Variants in PM20D1 observed in about 807,000 individuals in gnomAD.
PM20D1 encodes the protein N-fatty-acyl-amino acid synthase/hydrolase PM20D1.
Under a neutral mutation model 53.8 loss-of-function variants are expected in PM20D1, and 53 were observed. The observed-to-expected ratio is 0.98, with a 90% CI of 0.79 to 1.24. PM20D1 has a LOEUF of 1.24. Among genes scored for constraint, PM20D1 ranks in the 50% most tolerant of loss-of-function variants. PM20D1 has a pLI of 0.00. For synonymous variants in PM20D1, 239 were observed against 241.3 expected (o/e 0.99, Z 0.09); for missense variants, 564 against 616.8 (o/e 0.91, Z 0.91).
intron 6 of PM20D1, 131 bp from the exon 7 acceptor site, chr1:205,842,882 C>T: frequency 1.4e-6 from 1 of 698,164 alleles, no homozygotes; most frequent in Non-Finnish European, 2.5e-6. Context: ...CACCTCCCTC[C>T]CACCTCCACC....
chr1:205,833,287 G>C (rs1005284885), intron 10 of PM20D1, among the ~76,000 whole-genome samples: 2 of 152,258 alleles, frequency 1.3e-5, no homozygotes, highest in African/African-American at 4.8e-5. Flanking sequence ...CCCCTTGGGT[G>C]GTGAGCCACA....
intron 12 of PM20D1, among the ~76,000 whole-genome samples, chr1:205,829,123 T>C (rs1023900583): frequency 1.3e-4 from 20 of 152,332 alleles, no homozygotes; most frequent in Admixed American, 1.0e-3. Flanking sequence ...CTCAACCTTC[T>C]GGGTTTCAGT....
At chr1:205,844,268 T>G in intron 4 of PM20D1, 51 bp from the exon 5 acceptor site, 1 of 1,528,880 alleles carries the variant, frequency 6.5e-7, no homozygotes, top group South Asian at 1.3e-5. Context: ...GAGACAGACC[T>G]CCAGACATAG....
At chr1:205,843,359 C>T (rs191595242) in intron 6 of PM20D1, among the ~76,000 whole-genome samples, 16 of 152,340 alleles carry the variant, frequency 1.1e-4, no homozygotes, top group Admixed American at 9.8e-4. Flanking sequence ...ACTGGTGGCT[C>T]TGTCTCTCCT....
intron 12 of PM20D1, 81 bp downstream of exon 12, chr1:205,830,199 T>G: frequency 9.2e-7 from 1 of 1,085,340 alleles, no homozygotes; most frequent in East Asian, 2.4e-5. Context: ...TTCTGTGGAC[T>G]GCCAGGAGCA....
intron 1 of PM20D1, among the ~76,000 whole-genome samples, chr1:205,848,427 T>C (rs966000787): frequency 6.6e-6 from 1 of 152,216 alleles, no homozygotes; most frequent in African/African-American, 2.4e-5. Context: ...TGTGTTTTTG[T>C]ATGTAAAGGC....
intron 2 of PM20D1, among the ~76,000 whole-genome samples, chr1:205,847,033 T>C (rs868199884): frequency 6.5e-5 from 9 of 138,054 alleles, no homozygotes; most frequent in African/African-American, 1.7e-4. Context: ...TTTTTTTTTT[T>C]CAGAGACAAG....
In PM20D1 at chr1:205,828,068, T is replaced by G. The variant is rs551794301; in HGVS notation, c.*552A>C. On this transcript the variant is annotated 3_prime_UTR_variant, in exon 13 of 13. Coordinates refer to ENST00000367136, the MANE Select transcript of PM20D1 (RefSeq NM_152491.5). Reference sequence around the variant, plus strand: ...ATTTGACTGATTATGGTGACAATTATGGTAGTATCACAGTTTGGGTAAGTC... The same window carrying G: ...ATTTGACTGATTATGGTGACAATTAGGGTAGTATCACAGTTTGGGTAAGTC... 1 of 152,928 alleles carries G rather than the reference T, an allele frequency of 6.5e-6. No homozygotes were observed. Among genetic ancestry groups the G allele is most frequent in the Admixed American group, 6.5e-5 (1 of 15,362 alleles). 9.5% of individuals were successfully genotyped at this position (152,928 alleles called of 1,614,324 possible).
chr1:205,848,343 A>G (rs543094815), intron 1 of PM20D1, among the ~76,000 whole-genome samples: 1 of 152,316 alleles, frequency 6.6e-6, no homozygotes, highest in African/African-American at 2.4e-5. Context: ...GAAATCACCA[A>G]TTGCTTTGAT....
intron 1 of PM20D1, among the ~76,000 whole-genome samples, chr1:205,849,271 C>T (rs999376086): frequency 3.9e-5 from 6 of 152,130 alleles, no homozygotes; most frequent in African/African-American, 1.4e-4. Context: ...AGATTCAGAA[C>T]AGGGATGAAT....
chr1:205,830,657 G>A (rs145752775), intron 11 of PM20D1, among the ~76,000 whole-genome samples: 1 of 151,682 alleles, frequency 6.6e-6, no homozygotes, highest in African/African-American at 2.4e-5. Context: ...ATGACGACCA[G>A]GGAGGCCAAT....
In PM20D1 at chr1:205,830,006, C is replaced by T. The variant is rs1571665170; in HGVS notation, c.1385+274G>A. The T allele has an allele frequency of 8.7e-6, 3 of 344,816 alleles. No individual in the cohort carries two copies. The East Asian group carries it at 1.6e-4, about 19-fold the overall frequency. The allele number at this position is 344,816 out of a possible 1,614,324, so 21.4% of individuals were successfully genotyped here. A position where few individuals can be genotyped will look rare whatever the true frequency, so the allele number is the denominator to read the frequency against. ...AAGAGAGGAAGAGCTGGGATTAGCACCCAAGGGTACCGATTCCACCAGGTT... is the reference window on the plus strand; with the variant it reads ...AAGAGAGGAAGAGCTGGGATTAGCATCCAAGGGTACCGATTCCACCAGGTT... On this transcript the variant is annotated intron_variant, in intron 12 of 12. Transcript: ENST00000367136.
intron 10 of PM20D1, among the ~76,000 whole-genome samples, chr1:205,834,856 AGGCAGGGACTGTGTCTGACTCAAG>A (rs573137557): frequency 1.1e-3 from 175 of 152,338 alleles, no homozygotes; most frequent in African/African-American, 4.0e-3. Flanking sequence ...CTGCTGGGCC[AGGCAGGGACTGTGTCTGACTCAAG>A]GGCAGGGACT....
At chr1:205,846,481 T>G (rs1309670979) in intron 2 of PM20D1, among the ~76,000 whole-genome samples, 1 of 152,256 alleles carries the variant, frequency 6.6e-6, no homozygotes, top group Non-Finnish European at 1.5e-5. Context: ...TAAAGGGCTA[T>G]GCAGATGAGG....
rs111250357 is a variant in PM20D1 at position 205,834,673 on chromosome 1, C to T, written c.1117-1907G>A. ...ATATCCTAATACAAGAATTAATGCA[C>T]GGTCTTGACATATTCTCAGCCCATT... On this transcript the variant is annotated intron_variant, in intron 10 of 12. Transcript: ENST00000367136. Among the ~76,000 whole-genome samples, 500 of 152,328 alleles carry T rather than the reference C, an allele frequency of 3.3e-3. 5 individuals carry two copies. Among genetic ancestry groups the T allele is most frequent in the African/African-American group, 0.011 (474 of 41,558 alleles).
chr1:205,850,011 G>A lies in PM20D1; in HGVS notation c.62C>T (p.Thr21Ile). The A allele has an allele frequency of 1.9e-6, 3 of 1,614,164 alleles. No homozygotes were observed. The highest frequency in any genetic ancestry group is 2.5e-6 in the Non-Finnish European group (3 of 1,180,022). The change falls in exon 1 of 13, where the codon ACC becomes ATC. Residue 21 changes from threonine (T) to isoleucine (I), a missense_variant. Thr to Ile is a moderately conservative substitution (Grantham distance 89). Transcript: ENST00000367136. ...CCTCGGGCCCATCGATCTGGAGACG[G>A]TAGGGAAAACTAGGAGCAGCATAGC... is the stretch of plus-strand genomic sequence containing the variant. Reference protein sequence around the residue: ...LVAMLLLVFPTVSRSMGPRSG... With the variant: ...LVAMLLLVFPIVSRSMGPRSG...
chr1:205,839,293 A>G (rs1338494349), intron 10 of PM20D1, among the ~76,000 whole-genome samples: 1 of 152,206 alleles, frequency 6.6e-6, no homozygotes, highest in Non-Finnish European at 1.5e-5. Flanking sequence ...GTAGTCAGAA[A>G]AGACTTTTTT....
intron 12 of PM20D1, 96 bp from the exon 13 acceptor site, chr1:205,828,839 C>T (rs1023303314): frequency 7.4e-6 from 11 of 1,486,098 alleles, no homozygotes; most frequent in African/African-American, 6.9e-5. Flanking sequence ...CCCTCACCAA[C>T]CCGGAAACTA....
chr1:205,840,313 A>G lies in PM20D1; in HGVS notation c.1055T>C (p.Ile352Thr), dbSNP rs777839351. The G allele has an allele frequency of 4.3e-6, 7 of 1,613,378 alleles. No homozygotes were observed. In the East Asian group the frequency reaches 1.6e-4, roughly 36 times the overall value. ...GACTGTGGCCTGGGCCACTGGGGGG[A>G]TGACATTGAACTAGAGAGAGAAGCA... ...IFKAGVKFNVIPPVAQATVNF... is the reference protein window; with the variant it reads ...IFKAGVKFNVTPPVAQATVNF... The change falls in exon 10 of 13, where the codon ATC (isoleucine) becomes ACC (threonine). Residue 352 changes from isoleucine to threonine, a missense_variant. Physicochemically the swap from Ile to Thr is moderately conservative, Grantham distance 89. Coordinates refer to ENST00000367136, the MANE Select transcript of PM20D1 (RefSeq NM_152491.5).
Sources: allele counts gnomAD v4.1 joint callset (sites outside exome capture counted in the v4.1 genomes callset), GRCh38; gene constraint gnomAD v4.1.1; transcripts MANE v1.5; gene names NCBI Gene and HGNC (gene_info 2026-07-23, HGNC 2026-07-21).